TNFRSF21: variants seen among roughly 807,000 people sequenced by gnomAD.
TNFRSF21 encodes the protein TNF receptor superfamily member 21, also known as tumor necrosis factor receptor superfamily member 21.
Under a neutral mutation model 45.6 loss-of-function variants are expected in TNFRSF21, and 19 were observed. The observed-to-expected ratio is 0.42, with a 90% CI of 0.29 to 0.61. The LOEUF is 0.61. Ranked by LOEUF, TNFRSF21 falls within the 20% of genes least tolerant of loss-of-function variation. The pLI, the probability that TNFRSF21 is intolerant of heterozygous loss-of-function variation, is 0.23. For missense variants in TNFRSF21, 737 were observed against 851.5 expected, an observed-to-expected ratio of 0.87 and a Z score of 1.67; for synonymous variants, 314 against 335.5, an observed-to-expected ratio of 0.94 and a Z score of 0.70.
chr6:47,263,664 CTG>C (rs777345458), intron 3 of TNFRSF21, among the ~76,000 whole-genome samples: 47 of 152,210 alleles, frequency 3.1e-4, no homozygotes, highest in Non-Finnish European at 6.0e-4. Context: ...CAGAGGAAAA[CTG>C]AGAACTGAAC....
intron 1 of TNFRSF21, among the ~76,000 whole-genome samples, chr6:47,292,255 C>T (rs796992935): frequency 9.9e-5 from 15 of 152,110 alleles, no homozygotes; most frequent in Non-Finnish European, 2.2e-4. Flanking sequence ...GAATATCTGA[C>T]GCCGAGTCCT....
chr6:47,293,235 G>A (rs1007429357), intron 1 of TNFRSF21, among the ~76,000 whole-genome samples: 18 of 152,252 alleles, frequency 1.2e-4, no homozygotes, highest in African/African-American at 3.1e-4. Context: ...GGCCAGGGAC[G>A]ACCACATAGA....
chr6:47,249,941 G>T (rs1236689279), intron 4 of TNFRSF21, among the ~76,000 whole-genome samples: 1 of 151,806 alleles, frequency 6.6e-6, no homozygotes, highest in Admixed American at 6.6e-5. Context: ...AAAAGATGGA[G>T]AGAGAAAAAA....
chr6:47,245,473 T>C (rs931046830), intron 4 of TNFRSF21, among the ~76,000 whole-genome samples: 12 of 150,564 alleles, frequency 8.0e-5, no homozygotes, highest in African/African-American at 1.7e-4. Context: ...TGTGTGTGTG[T>C]GTGTGTTGGG....
rs1380194312 is a variant in TNFRSF21, at chr6:47,284,331, C to T, written c.850G>A (p.Gly284Arg). Residue 284 changes from glycine (G) to arginine (R), a missense_variant, in exon 3 of 6, where the codon GGG becomes AGG. Physicochemically the swap from Gly to Arg is moderately radical, Grantham distance 125. Coordinates refer to ENST00000296861, the MANE Select transcript of TNFRSF21 (RefSeq NM_014452.5). ...AGGGTCTTGTTCACGTCTTCCTTCCCCCTTGCTGAGCTTGTGTTGTCAGGG... is the reference window on the plus strand; with the variant it reads ...AGGGTCTTGTTCACGTCTTCCTTCCTCCTTGCTGAGCTTGTGTTGTCAGGG... ...TVPDNTSSAR[G>R]KEDVNKTLPN... 2 of 1,594,058 alleles carry T rather than the reference C, an allele frequency of 1.3e-6. No homozygotes were observed. The highest frequency in any genetic ancestry group is 1.7e-5 in the Admixed American group (1 of 58,240).
rs17437906 is a variant in TNFRSF21 at position 47,299,627 on chromosome 6, T to C, written c.96+9789A>G. Reference sequence around the variant, plus strand: ...GCTAACATAACTCCTTCTCAATAGTTATGACAGAGGGCTACATGAGTACAT... The same window carrying C: ...GCTAACATAACTCCTTCTCAATAGTCATGACAGAGGGCTACATGAGTACAT... On this transcript the variant is annotated intron_variant, in intron 1 of 5. Coordinates refer to ENST00000296861, the MANE Select transcript of TNFRSF21 (RefSeq NM_014452.5). Among the ~76,000 whole-genome samples, 630 of 152,358 alleles carry C rather than the reference T, an allele frequency of 4.1e-3. 1 individual carries two copies. Among genetic ancestry groups the C allele is most frequent in the Non-Finnish European group, 7.4e-3 (501 of 68,034 alleles).
intron 3 of TNFRSF21, among the ~76,000 whole-genome samples, chr6:47,277,272 G>A (rs751211120): frequency 3.9e-5 from 6 of 152,242 alleles, no homozygotes; most frequent in South Asian, 2.1e-4. Context: ...GATTACAGGC[G>A]TGAGCCACTG....
At chr6:47,265,822 T>G (rs1384908659) in intron 3 of TNFRSF21, among the ~76,000 whole-genome samples, 1 of 152,212 alleles carries the variant, frequency 6.6e-6, no homozygotes, top group African/African-American at 2.4e-5. Flanking sequence ...ATCTTGCCTA[T>G]GCCGGTAGTA....
At chr6:47,301,457 A>G (rs545877828) in intron 1 of TNFRSF21, among the ~76,000 whole-genome samples, 1 of 152,386 alleles carries the variant, frequency 6.6e-6, no homozygotes, top group East Asian at 1.9e-4. Flanking sequence ...ACATAAAAGA[A>G]TAGCAAAGAT....
chr6:47,266,418 T>C (rs1040738276), intron 3 of TNFRSF21, among the ~76,000 whole-genome samples: 4 of 152,198 alleles, frequency 2.6e-5, no homozygotes, highest in African/African-American at 9.6e-5. Flanking sequence ...GATGATGTTA[T>C]GATTTGCTTT....
intron 3 of TNFRSF21, among the ~76,000 whole-genome samples, chr6:47,263,506 A>G (rs1316002292): frequency 6.6e-6 from 1 of 152,198 alleles, no homozygotes; most frequent in Non-Finnish European, 1.5e-5. Context: ...GGTCAGGAAA[A>G]TGAGGAGGAA....
At chr6:47,255,407 G>C (rs889037250) in intron 3 of TNFRSF21, among the ~76,000 whole-genome samples, 5 of 151,708 alleles carry the variant, frequency 3.3e-5, no homozygotes, top group African/African-American at 1.2e-4. Context: ...AAGGGCCCTG[G>C]TATTTTACTA....
At chr6:47,246,996 A>G (rs1216934244) in intron 4 of TNFRSF21, among the ~76,000 whole-genome samples, 1 of 152,224 alleles carries the variant, frequency 6.6e-6, no homozygotes, top group African/African-American at 2.4e-5. Flanking sequence ...CTCCATCACC[A>G]CAAGTGAGTT....
chr6:47,287,008 T>C (rs1762659648), intron 1 of TNFRSF21, among the ~76,000 whole-genome samples: 1 of 152,122 alleles, frequency 6.6e-6, no homozygotes, highest in African/African-American at 2.4e-5. Flanking sequence ...TTTGCAAAAT[T>C]TGCAATTTGC....
intron 3 of TNFRSF21, among the ~76,000 whole-genome samples, chr6:47,278,279 C>A (rs1237917537): frequency 2.6e-5 from 4 of 152,104 alleles, no homozygotes; most frequent in South Asian, 4.2e-4. Flanking sequence ...AAGAAAAAAA[C>A]CAATCCAATG....
chr6:47,245,727 A>G (rs202025637), intron 4 of TNFRSF21, among the ~76,000 whole-genome samples: 1 of 152,202 alleles, frequency 6.6e-6, no homozygotes, highest in East Asian at 1.9e-4. Flanking sequence ...AATGAAATAT[A>G]GTAATATATC....
At chr6:47,236,690 C>T (rs559232197) in intron 4 of TNFRSF21, among the ~76,000 whole-genome samples, 27 of 152,312 alleles carry the variant, frequency 1.8e-4, no homozygotes, top group Admixed American at 8.5e-4. Flanking sequence ...ACAAATGTTA[C>T]GTATATGCTT....
chr6:47,268,865 A>C (rs1762373375), intron 3 of TNFRSF21, among the ~76,000 whole-genome samples: 1 of 152,140 alleles, frequency 6.6e-6, no homozygotes, highest in East Asian at 1.9e-4. Context: ...TTGCTTCCCC[A>C]AACCTCAGTC....
At position 47,232,730 on chromosome 6, in the gene TNFRSF21, A is replaced by C; in HGVS notation, c.*35T>G. ...AATTAAAAAACCACCCTGCCACTAA[A>C]TTGAGTAATTTCCAGAATGCAGTAT... On this transcript the variant is annotated 3_prime_UTR_variant, in exon 6 of 6. Coordinates refer to ENST00000296861, the MANE Select transcript of TNFRSF21 (RefSeq NM_014452.5). The C allele has an allele frequency of 6.3e-7, 1 of 1,595,446 alleles. No individual in the cohort carries two copies. Among genetic ancestry groups the C allele is most frequent in the Non-Finnish European group, 8.6e-7 (1 of 1,167,090 alleles).
Sources: allele counts gnomAD v4.1 joint callset (sites outside exome capture counted in the v4.1 genomes callset), GRCh38; gene constraint gnomAD v4.1.1; transcripts MANE v1.5; gene names NCBI Gene and HGNC (gene_info 2026-07-23, HGNC 2026-07-21).